Variants in RNF150 observed in about 807,000 individuals in gnomAD.
RNF150 encodes ring finger protein 150.
In RNF150, 24 loss-of-function variants were observed where a neutral mutation model predicts 39.3. The ratio of observed to expected loss-of-function variants is 0.61; its 90% confidence interval spans 0.44 to 0.86. RNF150 has a LOEUF of 0.86. Ranked by LOEUF, RNF150 falls within the 40% of genes least tolerant of loss-of-function variation. The pLI, the probability that RNF150 is intolerant of heterozygous loss-of-function variation, is 0.00. For missense variants in RNF150, 502 were observed against 587.8 expected, an observed-to-expected ratio of 0.85 and a Z score of 1.51; for synonymous variants, 255 against 227.3, an observed-to-expected ratio of 1.12 and a Z score of -1.10.
At chr4:141,189,222 A>T (rs1728064561) in intron 1 of RNF150, among the ~76,000 whole-genome samples, 1 of 152,210 alleles carries the variant, frequency 6.6e-6, no homozygotes, top group Non-Finnish European at 1.5e-5. Flanking sequence ...GGGTATTACC[A>T]GTGGAGGCTG....
At chr4:140,903,897 G>C (rs1730280204) in intron 6 of RNF150, among the ~76,000 whole-genome samples, 1 of 152,206 alleles carries the variant, frequency 6.6e-6, no homozygotes, top group South Asian at 2.1e-4. Flanking sequence ...GGCTGTTTGT[G>C]AATCTGCAGA....
chr4:141,143,639 C>T (rs1315230063), intron 1 of RNF150, among the ~76,000 whole-genome samples: 1 of 152,170 alleles, frequency 6.6e-6, no homozygotes, highest in East Asian at 1.9e-4. Flanking sequence ...TTTAAGTGAG[C>T]CTGTGCCTTT....
intron 1 of RNF150, among the ~76,000 whole-genome samples, chr4:141,174,254 G>T (rs1444325712): frequency 4.6e-5 from 7 of 152,128 alleles, no homozygotes; most frequent in African/African-American, 1.7e-4. Context: ...CAGCTAGTTT[G>T]TACTGTTTGA....
At chr4:141,123,866 A>C (rs890425805) in intron 1 of RNF150, among the ~76,000 whole-genome samples, 2 of 152,154 alleles carry the variant, frequency 1.3e-5, no homozygotes, top group African/African-American at 4.8e-5. Flanking sequence ...CCATGTCCCT[A>C]CAAAGGACAA....
intron 1 of RNF150, among the ~76,000 whole-genome samples, chr4:141,112,313 T>G (rs1423643440): frequency 9.0e-6 from 1 of 111,630 alleles, no homozygotes; most frequent in South Asian, 3.9e-4. Context: ...TGCAGTTTCT[T>G]CATAATATCG....
At chr4:140,998,526 T>G (rs1323147370) in intron 1 of RNF150, among the ~76,000 whole-genome samples, 4 of 152,200 alleles carry the variant, frequency 2.6e-5, no homozygotes, top group Non-Finnish European at 2.9e-5. Flanking sequence ...CTACCCAGAC[T>G]GTGGCATTTT....
At chr4:140,921,175 TATAATAATA>T (rs58434636) in intron 5 of RNF150, among the ~76,000 whole-genome samples, 80,978 of 147,758 alleles carry the variant, frequency 0.55, 22,683 homozygotes, top group East Asian at 0.89. Flanking sequence ...AAACTTAAAG[TATAATAATA>T]ATAATAATAA....
At chr4:140,973,788 A>G (rs1292145340) in intron 1 of RNF150, among the ~76,000 whole-genome samples, 2 of 151,010 alleles carry the variant, frequency 1.3e-5, no homozygotes, top group Non-Finnish European at 3.0e-5. Context: ...GAGGCAGGAG[A>G]ATTGCTTGAA....
intron 1 of RNF150, among the ~76,000 whole-genome samples, chr4:140,988,530 G>A (rs1386314016): frequency 6.6e-6 from 1 of 151,988 alleles, no homozygotes; most frequent in African/African-American, 2.4e-5. Context: ...GGGTACATGT[G>A]CACAACGTGC....
intron 1 of RNF150, among the ~76,000 whole-genome samples, chr4:141,168,905 G>T (rs1727649200): frequency 6.6e-6 from 1 of 152,128 alleles, no homozygotes; most frequent in Non-Finnish European, 1.5e-5. Context: ...TAACAAACAT[G>T]AACGTTCTGC....
At chr4:140,901,501 T>A (rs186779500) in intron 6 of RNF150, among the ~76,000 whole-genome samples, 131 of 152,346 alleles carry the variant, frequency 8.6e-4, no homozygotes, top group Non-Finnish European at 1.6e-3. Flanking sequence ...ATTTATTATT[T>A]TCATTAGCAG....
intron 1 of RNF150, among the ~76,000 whole-genome samples, chr4:140,998,550 GAGA>G (rs1734466740): frequency 6.6e-6 from 1 of 152,322 alleles, no homozygotes; most frequent in Non-Finnish European, 1.5e-5. Context: ...ATGGCAGCCT[GAGA>G]AGATTAATAC....
chr4:141,097,757 A>G (rs1184147863), intron 1 of RNF150, among the ~76,000 whole-genome samples: 1 of 151,396 alleles, frequency 6.6e-6, no homozygotes, highest in Non-Finnish European at 1.5e-5. Context: ...TTGTTTTTAT[A>G]TTTTTAGATG....
intron 2 of RNF150, among the ~76,000 whole-genome samples, chr4:140,964,742 AC>A (rs1193224891): frequency 1.3e-5 from 2 of 152,022 alleles, no homozygotes. Context: ...CTAAATTCAT[AC>A]AAAAATAAAC....
intron 6 of RNF150, among the ~76,000 whole-genome samples, chr4:140,884,951 C>G (rs183403813): frequency 5.4e-4 from 83 of 152,298 alleles, no homozygotes; most frequent in Non-Finnish European, 1.6e-4. Flanking sequence ...AAGCACTTGG[C>G]TTTGTCCTTG....
intron 6 of RNF150, among the ~76,000 whole-genome samples, chr4:140,887,240 A>G (rs990693405): frequency 6.6e-6 from 1 of 152,254 alleles, no homozygotes. Flanking sequence ...ATCTTGAGAA[A>G]TAAACAATCT....
intron 2 of RNF150, among the ~76,000 whole-genome samples, chr4:140,949,683 CA>C (rs11298622): frequency 0.47 from 70,283 of 148,132 alleles, 16,800 homozygotes; most frequent in Non-Finnish European, 0.52. Context: ...TACCCCCCCC[CA>C]AAAAAAAATG....
chr4:140,922,958 C>T (rs1406274462), intron 5 of RNF150, among the ~76,000 whole-genome samples: 1 of 150,850 alleles, frequency 6.6e-6, no homozygotes, highest in South Asian at 2.1e-4. Context: ...ACACCTTATA[C>T]AAAAATTAAT....
chr4:141,179,258 C>A (rs1455344108), intron 1 of RNF150, among the ~76,000 whole-genome samples: 1 of 152,124 alleles, frequency 6.6e-6, no homozygotes. Flanking sequence ...TCCTCACTGT[C>A]TCCTCCTGGA....
Sources: allele counts gnomAD v4.1 joint callset (sites outside exome capture counted in the v4.1 genomes callset), GRCh38; gene constraint gnomAD v4.1.1; transcripts MANE v1.5; gene names NCBI Gene and HGNC (gene_info 2026-07-23, HGNC 2026-07-21).